LMBRD2: variants seen among roughly 807,000 people sequenced by gnomAD.
LMBRD2 encodes LMBR1 domain containing 2, also known as G protein-coupled receptor-associated protein LMBRD2.
LMBRD2 carries 55 observed loss-of-function variants against 94.4 expected under a neutral mutation model. The observed-to-expected ratio is 0.58, with a 90% CI of 0.47 to 0.73. LMBRD2 has a LOEUF of 0.73. LMBRD2 is among the 30% of genes least tolerant of loss of function. LMBRD2 has a pLI of 0.00. For synonymous variants in LMBRD2, 246 were observed against 272.4 expected (o/e 0.90, Z 0.95); for missense variants, 640 against 831.9 (o/e 0.77, Z 2.84).
intron 9 of LMBRD2, among the ~76,000 whole-genome samples, chr5:36,121,100 T>C (rs1231620741): frequency 6.6e-6 from 1 of 152,236 alleles, no homozygotes; most frequent in Non-Finnish European, 1.5e-5. Context: ...ATTTCTATAA[T>C]CAACTGCCTA....
Position 36,103,388 on chromosome 5 carries a change from A to AT in LMBRD2, c.*657dup, listed in dbSNP as rs1743385999. On this transcript the variant is annotated 3_prime_UTR_variant, in exon 18 of 18. Transcript: ENST00000296603. ...TTACTACAAAGACTGAAGGAATACT[A>AT]TATCACCTGATTATAGTACACATGC... 6.6e-6 allele frequency: 1 copy of AT among 152,306 alleles called. No individual in the cohort carries two copies. The highest frequency in any genetic ancestry group is 2.1e-4 in the South Asian group (1 of 4,828). The allele number at this position is 152,306 out of a possible 1,614,324, so 9.4% of individuals were successfully genotyped here. A position where few individuals can be genotyped will look rare whatever the true frequency, so the allele number is the denominator to read the frequency against.
At chr5:36,114,623 T>C in intron 12 of LMBRD2, 102 bp from the exon 13 acceptor site, 1 of 1,292,600 alleles carries the variant, frequency 7.7e-7, no homozygotes. Context: ...ATCAATCCAT[T>C]TGAACTTTTT....
At chr5:36,141,798 T>C (rs1315103780) in intron 3 of LMBRD2, among the ~76,000 whole-genome samples, 1 of 152,196 alleles carries the variant, frequency 6.6e-6, no homozygotes, top group Admixed American at 6.5e-5. Context: ...GCTAGAAGGA[T>C]ATCCCAAGAA....
intron 6 of LMBRD2, among the ~76,000 whole-genome samples, chr5:36,135,459 A>G (rs1458876709): frequency 6.6e-6 from 1 of 152,202 alleles, no homozygotes; most frequent in Non-Finnish European, 1.5e-5. Flanking sequence ...CATCAACATT[A>G]GCAAGTTTGA....
chr5:36,133,634 T>A (rs887279183), intron 6 of LMBRD2, among the ~76,000 whole-genome samples: 3 of 152,150 alleles, frequency 2.0e-5, no homozygotes, highest in African/African-American at 4.8e-5. Flanking sequence ...GGAAAGAGGT[T>A]CAGAGTTCTC....
At chr5:36,145,166 C>G (rs917734843) in intron 1 of LMBRD2, among the ~76,000 whole-genome samples, 3 of 152,102 alleles carry the variant, frequency 2.0e-5, no homozygotes, top group Admixed American at 2.0e-4. Context: ...ACAGTAGTAT[C>G]AAGAAATATT....
At chr5:36,132,388 T>A (rs771330582) in intron 6 of LMBRD2, among the ~76,000 whole-genome samples, 1 of 141,730 alleles carries the variant, frequency 7.1e-6, no homozygotes, top group Non-Finnish European at 1.5e-5. Context: ...CTCTCCAGGA[T>A]ATTGGACTGG....
intron 6 of LMBRD2, among the ~76,000 whole-genome samples, chr5:36,127,620 G>T (rs1284161713): frequency 6.6e-6 from 1 of 152,192 alleles, no homozygotes; most frequent in Non-Finnish European, 1.5e-5. Flanking sequence ...AACACTGGAG[G>T]TAATGAGGAT....
At chr5:36,104,137 G>A in intron 17 of LMBRD2, 31 bp from the exon 18 acceptor site, 2 of 1,547,078 alleles carry the variant, frequency 1.3e-6, no homozygotes, top group Non-Finnish European at 1.8e-6. Context: ...AATGATCTGA[G>A]GCATCAAAAA....
intron 9 of LMBRD2, among the ~76,000 whole-genome samples, chr5:36,120,107 G>A (rs1443479255): frequency 6.7e-6 from 1 of 148,156 alleles, no homozygotes; most frequent in Non-Finnish European, 1.5e-5. Context: ...TCCCCAGGCT[G>A]GAGTGTAGTG....
chr5:36,126,487 A>G (rs1486099217), intron 6 of LMBRD2, among the ~76,000 whole-genome samples: 6 of 152,188 alleles, frequency 3.9e-5, no homozygotes, highest in Non-Finnish European at 8.8e-5. Context: ...GTGTCTTGTC[A>G]AATTCTTTTC....
rs1247184900 is a variant in LMBRD2, at chr5:36,098,455, T to G, written c.*5591A>C. 1 of 152,026 alleles carries G rather than the reference T, an allele frequency of 6.6e-6. No individual in the cohort carries two copies. The highest frequency in any genetic ancestry group is 1.9e-4 in the East Asian group (1 of 5,200). 9.4% of individuals were successfully genotyped at this position (152,026 alleles called of 1,614,324 possible). ...TATTTATTTTAAAACATTTGTCATA[T>G]TTGCTAATAAATTGATAAGGAACAA... is the stretch of plus-strand genomic sequence containing the variant. On this transcript the variant is annotated 3_prime_UTR_variant, in exon 18 of 18. Coordinates refer to ENST00000296603, the MANE Select transcript of LMBRD2 (RefSeq NM_001007527.2).
intron 1 of LMBRD2, among the ~76,000 whole-genome samples, chr5:36,145,503 G>A (rs1404312003): frequency 6.6e-6 from 1 of 152,232 alleles, no homozygotes; most frequent in Non-Finnish European, 1.5e-5. Context: ...GCAATTACAG[G>A]CATGCGCCAC....
In LMBRD2 at chr5:36,100,500, TAA is replaced by T. The variant is rs1248639480; in HGVS notation, c.*3544_*3545del. On this transcript the variant is annotated 3_prime_UTR_variant, in exon 18 of 18. Transcript: ENST00000296603. ...ACAGAAGGAAAATCTTTCAGCACAT[TAA>T]AAGTCATGCTATAAACATAGGCCTC... The T allele has an allele frequency of 3.3e-5, 5 of 151,982 alleles. No individual in the cohort carries two copies. Among genetic ancestry groups the T allele is most frequent in the South Asian group, 2.1e-4 (1 of 4,816 alleles). 9.4% of individuals were successfully genotyped at this position (151,982 alleles called of 1,614,324 possible).
intron 6 of LMBRD2, among the ~76,000 whole-genome samples, chr5:36,134,589 C>T (rs1489279139): frequency 6.6e-6 from 1 of 152,052 alleles, no homozygotes. Flanking sequence ...AGGGAGAACA[C>T]CATGTGAAGA....
At chr5:36,115,225 A>G in intron 11 of LMBRD2, 105 bp from the exon 12 acceptor site, 1 of 612,240 alleles carries the variant, frequency 1.6e-6, no homozygotes. Context: ...TATAGCTAAA[A>G]TTTTCATCTA....
At chr5:36,107,213 C>T (rs188114139) in intron 16 of LMBRD2, among the ~76,000 whole-genome samples, 109 of 152,282 alleles carry the variant, frequency 7.2e-4, no homozygotes, top group Non-Finnish European at 1.4e-3. Flanking sequence ...TAGTTTCCAT[C>T]TCTCTGGTGA....
chr5:36,136,234 CAACA>C, intron 6 of LMBRD2, 71 bp downstream of exon 6: 1 of 1,431,364 alleles, frequency 7.0e-7, no homozygotes, highest in South Asian at 1.2e-5. Context: ...CTAACAACAA[CAACA>C]AACCAAAAAT....
chr5:36,114,664 T>C, intron 12 of LMBRD2, 143 bp from the exon 13 acceptor site: 1 of 1,061,648 alleles, frequency 9.4e-7, no homozygotes, highest in Non-Finnish European at 1.2e-6. Context: ...TAAATGGACT[T>C]ATTTTTTAAA....
Sources: gnomAD v4.1 joint callset for allele counts (sites outside exome capture counted in the v4.1 genomes callset) on GRCh38, gnomAD v4.1.1 for gene constraint, MANE v1.5 for transcripts, NCBI Gene and HGNC (gene_info 2026-07-23, HGNC 2026-07-21) for gene names.